TMEM200A: variants seen among roughly 807,000 people sequenced by gnomAD.
TMEM200A encodes two transmembrane C.
TMEM200A carries 12 observed loss-of-function variants against 24.3 expected under a neutral mutation model. The observed-to-expected ratio is 0.49, with a 90% CI of 0.32 to 0.80. The LOEUF (loss-of-function observed/expected upper bound fraction) is 0.80, where lower values mean the gene tolerates loss of function less well. Among genes scored for constraint, TMEM200A ranks in the 30% least tolerant of loss-of-function variants. The probability of loss-of-function intolerance (pLI) is 0.04; values close to 1 mark genes in which losing one functional copy is unlikely to be tolerated. For missense variants in TMEM200A, 545 were observed against 614.4 expected, an observed-to-expected ratio of 0.89 and a Z score of 1.19; for synonymous variants, 224 against 224.4, an observed-to-expected ratio of 1.00 and a Z score of 0.02.
chr6:130,414,814 A>C (rs1038333862), intron 2 of TMEM200A, among the ~76,000 whole-genome samples: 3 of 152,214 alleles, frequency 2.0e-5, no homozygotes, highest in African/African-American at 7.2e-5. Context: ...ACTTGTGAAC[A>C]AAATGTTCCC....
intron 2 of TMEM200A, among the ~76,000 whole-genome samples, chr6:130,389,837 T>C (rs947454189): frequency 2.0e-5 from 3 of 152,206 alleles, no homozygotes; most frequent in Admixed American, 2.0e-4. Flanking sequence ...AGATTGAGAT[T>C]CCCTGGTTTC....
chr6:130,403,798 AT>A (rs1406389745), intron 2 of TMEM200A, among the ~76,000 whole-genome samples: 7 of 151,894 alleles, frequency 4.6e-5, no homozygotes. Context: ...CCCATTAGTT[AT>A]TTTTCCTGAT....
At chr6:130,392,164 A>T (rs1038276310) in intron 2 of TMEM200A, among the ~76,000 whole-genome samples, 1 of 152,214 alleles carries the variant, frequency 6.6e-6, no homozygotes, top group Admixed American at 6.5e-5. Context: ...TTATCTGTCA[A>T]ATTGATACTG....
chr6:130,429,569 A>T, intron 2 of TMEM200A, among the ~76,000 whole-genome samples: 1 of 152,298 alleles, frequency 6.6e-6, no homozygotes, highest in East Asian at 1.9e-4. Context: ...ACCTGTAAAC[A>T]ATAGTTAGAT....
chr6:130,395,539 G>C (rs1778932334), intron 2 of TMEM200A, among the ~76,000 whole-genome samples: 1 of 152,084 alleles, frequency 6.6e-6, no homozygotes, highest in African/African-American at 2.4e-5. Flanking sequence ...AAATGTTTCG[G>C]GTATGGTTGA....
At chr6:130,365,795 C>G (rs1350367277), upstream of TMEM200A, 1 of 985,468 alleles carries the variant, frequency 1.0e-6, no homozygotes, top group South Asian at 4.7e-5. Flanking sequence ...GTGGCCGGGA[C>G]GCGGATCGGC....
At chr6:130,426,463 C>CG (rs1554284266) in intron 2 of TMEM200A, among the ~76,000 whole-genome samples, 2,372 of 143,590 alleles carry the variant, frequency 0.017, 71 homozygotes, top group African/African-American at 0.062. Flanking sequence ...TTCTGCAGCC[C>CG]CCCCCCCCTC....
rs145117521 is a variant in TMEM200A at position 130,381,895 on chromosome 6, G to C, written c.-80-3278G>C. ...TTAACATTTGAAAGGATGGTTAACCGACCTGTCTGCAGCTTCTCTGATCTG... is the reference window on the plus strand; with the variant it reads ...TTAACATTTGAAAGGATGGTTAACCCACCTGTCTGCAGCTTCTCTGATCTG... On this transcript the variant is annotated intron_variant, in intron 1 of 2. Transcript: ENST00000296978. 8.1e-5 allele frequency: 80 copies of C among 985,070 alleles called. No individual in the cohort carries two copies. In the East Asian group the frequency reaches 7.2e-3, roughly 88 times the overall value. The allele number at this position is 985,070 out of a possible 1,614,324, so 61.0% of individuals were successfully genotyped here. A position where few individuals can be genotyped will look rare whatever the true frequency, so the allele number is the denominator to read the frequency against.
intron 2 of TMEM200A, among the ~76,000 whole-genome samples, chr6:130,420,116 A>G (rs1389800092): frequency 3.9e-5 from 6 of 152,210 alleles, no homozygotes; most frequent in Non-Finnish European, 7.4e-5. Flanking sequence ...AACTTTCAAC[A>G]TATGAATTTG....
chr6:130,433,647 C>T (rs1217578638), intron 2 of TMEM200A, among the ~76,000 whole-genome samples: 8 of 152,126 alleles, frequency 5.3e-5, no homozygotes, highest in Non-Finnish European at 1.2e-4. Context: ...GTGGATACCA[C>T]ATGGGGTTTT....
At chr6:130,380,676 TAGC>T (rs1778575261) in intron 1 of TMEM200A, among the ~76,000 whole-genome samples, 1 of 152,196 alleles carries the variant, frequency 6.6e-6, no homozygotes, top group African/African-American at 2.4e-5. Flanking sequence ...GTGAAATACA[TAGC>T]AGAGAGTCAC....
intron 2 of TMEM200A, chr6:130,439,161 G>C (rs987916281): frequency 6.6e-6 from 1 of 152,180 alleles, no homozygotes; most frequent in African/African-American, 2.4e-5. Context: ...TCATTATTCT[G>C]CTCTTTAAAC....
intron 2 of TMEM200A, among the ~76,000 whole-genome samples, chr6:130,397,520 A>C (rs1273486874): frequency 6.6e-6 from 1 of 151,750 alleles, no homozygotes; most frequent in Non-Finnish European, 1.5e-5. Context: ...CCCTCTTTGG[A>C]GTCTATTTTA....
upstream of TMEM200A, chr6:130,365,955 C>T (rs1583162634): frequency 2.1e-6 from 2 of 974,092 alleles, no homozygotes; most frequent in Non-Finnish European, 1.2e-6. Context: ...AAGTCCGCCC[C>T]GGCCCCCGCC....
Position 130,441,049 on chromosome 6 carries a change from G to A in TMEM200A, c.627G>A (p.Thr209=), listed in dbSNP as rs183247605. ...GTGCCTCGAGATTGGCAGCAAATAC[G>A]ATCGCCTCTTTCTCGGGTTTTCGGA... The part of the protein sequence containing the change: ...SSCASRLAAN[T]IASFSGFRSS... The change falls in exon 3 of 3, where the codon ACG becomes ACA. Residue 209 remains threonine, a synonymous_variant. Coordinates refer to ENST00000296978, the MANE Select transcript of TMEM200A (RefSeq NM_001258277.2). 4.8e-5 allele frequency: 78 copies of A among 1,613,934 alleles called. No homozygotes were observed. The highest frequency in any genetic ancestry group is 8.3e-5 in the Admixed American group (5 of 60,000).
rs117827131 is a variant in TMEM200A, at chr6:130,415,732, G to A, written c.-16-24675G>A. On this transcript the variant is annotated intron_variant, in intron 2 of 2. Transcript: ENST00000296978. ...GTTATTGAAGGGTGTCTGAGGTTGC[G>A]CCCAAACCTAAAAGAAAAATCTGTG... Among the ~76,000 whole-genome samples, 1,080 of 152,184 alleles carry A rather than the reference G, an allele frequency of 7.1e-3. 4 individuals carry two copies. Among genetic ancestry groups the A allele is most frequent in the Middle Eastern group, 0.02 (6 of 294 alleles).
intron 1 of TMEM200A, among the ~76,000 whole-genome samples, chr6:130,377,681 T>C (rs1778493736): frequency 6.6e-6 from 1 of 152,236 alleles, no homozygotes; most frequent in South Asian, 2.1e-4. Flanking sequence ...TTTATACTTT[T>C]ATTTATTCAT....
chr6:130,415,124 A>G (rs1281341707), intron 2 of TMEM200A, among the ~76,000 whole-genome samples: 5 of 152,150 alleles, frequency 3.3e-5, no homozygotes, highest in African/African-American at 9.7e-5. Context: ...GTGGAATGCA[A>G]TTCAATGGAA....
intron 2 of TMEM200A, among the ~76,000 whole-genome samples, chr6:130,433,060 G>C (rs1779915251): frequency 6.6e-6 from 1 of 151,980 alleles, no homozygotes; most frequent in South Asian, 2.1e-4. Context: ...AAATGAGGAA[G>C]CAAAGACATG....
Sources: gnomAD v4.1 joint callset for allele counts (sites outside exome capture counted in the v4.1 genomes callset) on GRCh38, gnomAD v4.1.1 for gene constraint, MANE v1.5 for transcripts, NCBI Gene and HGNC (gene_info 2026-07-23, HGNC 2026-07-21) for gene names.